Variants in NRCAM observed in about 807,000 individuals in gnomAD.
NRCAM encodes neuronal cell adhesion molecule.
A neutral mutation model predicts 156.5 loss-of-function variants in NRCAM; 83 were observed. That is an observed-to-expected ratio of 0.53 (90% CI 0.44 to 0.64). NRCAM has a LOEUF of 0.64. Among genes scored for constraint, NRCAM ranks in the 30% least tolerant of loss-of-function variants. The probability of loss-of-function intolerance (pLI) is 0.00; values close to 1 mark genes in which losing one functional copy is unlikely to be tolerated. For synonymous variants in NRCAM, 538 were observed against 563.9 expected (o/e 0.95, Z 0.65); for missense variants, 1,417 against 1,597.3 (o/e 0.89, Z 1.92).
chr7:108,337,007 G>A (rs1481390751), intron 2 of NRCAM, among the ~76,000 whole-genome samples: 2 of 152,134 alleles, frequency 1.3e-5, no homozygotes, highest in Non-Finnish European at 2.9e-5. Context: ...GTTTATGCCT[G>A]TAATCCCAGC....
chr7:108,388,299 C>T (rs2099747954), intron 2 of NRCAM, among the ~76,000 whole-genome samples: 1 of 152,188 alleles, frequency 6.6e-6, no homozygotes, highest in Admixed American at 6.5e-5. Context: ...TTGCATTTCC[C>T]TGATGGCCAG....
chr7:108,426,893 C>T lies in NRCAM; in HGVS notation c.-331-27300G>A, dbSNP rs143462630. On this transcript the variant is annotated intron_variant, in intron 1 of 32. Coordinates refer to ENST00000379028, the MANE Select transcript of NRCAM (RefSeq NM_001037132.4). ...TGGCAGTTTACTATTCCTTGAACAA[C>T]GCTTTCATCATCTTAGTTATTGAAT... Among the ~76,000 whole-genome samples, 27 of 152,254 alleles carry T rather than the reference C, an allele frequency of 1.8e-4. No individual in the cohort carries two copies. The East Asian group carries it at 4.2e-3, about 24-fold the overall frequency.
intron 3 of NRCAM, among the ~76,000 whole-genome samples, chr7:108,292,866 AAATG>A (rs2098343243): frequency 6.6e-6 from 1 of 152,224 alleles, no homozygotes; most frequent in African/African-American, 2.4e-5. Flanking sequence ...TTAAAAGCAC[AAATG>A]AATAGCTAAA....
chr7:108,452,299 T>C (rs1356694743), intron 1 of NRCAM, among the ~76,000 whole-genome samples: 2 of 152,230 alleles, frequency 1.3e-5, no homozygotes, highest in East Asian at 1.9e-4. Context: ...ATGTGTTTAT[T>C]AGTTTGATTG....
At chr7:108,386,816 G>A (rs941732050) in intron 2 of NRCAM, among the ~76,000 whole-genome samples, 16 of 152,108 alleles carry the variant, frequency 1.1e-4, no homozygotes, top group African/African-American at 3.4e-4. Context: ...CAAAACATAC[G>A]TGTTTGAATT....
chr7:108,449,036 G>A (rs1847535704), intron 1 of NRCAM, among the ~76,000 whole-genome samples: 1 of 152,230 alleles, frequency 6.6e-6, no homozygotes, highest in South Asian at 2.1e-4. Context: ...AAGTGCATCT[G>A]AGTGAGCGCC....
At chr7:108,152,462 T>C (rs1443450139) in intron 32 of NRCAM, among the ~76,000 whole-genome samples, 1 of 150,010 alleles carries the variant, frequency 6.7e-6, no homozygotes, top group Admixed American at 6.7e-5. Flanking sequence ...GTAAGGGGAG[T>C]GGCACGGCTA....
At chr7:108,406,082 G>T (rs1489725836) in intron 1 of NRCAM, among the ~76,000 whole-genome samples, 1 of 151,970 alleles carries the variant, frequency 6.6e-6, no homozygotes, top group Non-Finnish European at 1.5e-5. Context: ...ACTATTCCTG[G>T]CCTAGCACAG....
At chr7:108,332,892 A>C (rs2099141350) in intron 2 of NRCAM, among the ~76,000 whole-genome samples, 1 of 152,200 alleles carries the variant, frequency 6.6e-6, no homozygotes, top group Admixed American at 6.5e-5. Context: ...ATAATAACCG[A>C]AATTTGGAAG....
At chr7:108,231,225 A>G in intron 7 of NRCAM, 72 bp from the exon 8 acceptor site, 1 of 1,121,306 alleles carries the variant, frequency 8.9e-7, no homozygotes, top group Non-Finnish European at 1.2e-6. Context: ...CTACAAATAA[A>G]GGCAAACTGA....
intron 8 of NRCAM, 152 bp from the exon 9 acceptor site, chr7:108,226,530 TAA>T (rs3078782): frequency 0.11 from 42,839 of 388,248 alleles, 39 homozygotes; most frequent in East Asian, 0.24. Context: ...CAAATAACTG[TAA>T]AAAAAAAAAA....
chr7:108,276,667 G>A (rs923122112), intron 3 of NRCAM, among the ~76,000 whole-genome samples: 3 of 152,014 alleles, frequency 2.0e-5, no homozygotes, highest in African/African-American at 7.3e-5. Flanking sequence ...ACAGCACAAT[G>A]ATGGGTCTTG....
chr7:108,348,919 A>G (rs1419889904), intron 2 of NRCAM, among the ~76,000 whole-genome samples: 2 of 151,742 alleles, frequency 1.3e-5, no homozygotes, highest in African/African-American at 4.8e-5. Flanking sequence ...AAAAAAAAAA[A>G]AAAGGAAGGA....
chr7:108,265,886 T>G (rs1197841984), intron 3 of NRCAM, among the ~76,000 whole-genome samples: 1 of 152,152 alleles, frequency 6.6e-6, no homozygotes, highest in Non-Finnish European at 1.5e-5. Flanking sequence ...AATACACCAT[T>G]GATGTTTAGC....
intron 2 of NRCAM, among the ~76,000 whole-genome samples, chr7:108,324,797 TCA>T (rs2099046783): frequency 6.6e-6 from 1 of 152,120 alleles, no homozygotes; most frequent in South Asian, 2.1e-4. Context: ...CAACCTGCTT[TCA>T]TATGCTGTTA....
chr7:108,258,604 C>A (rs1239534327), intron 3 of NRCAM, among the ~76,000 whole-genome samples: 1 of 152,170 alleles, frequency 6.6e-6, no homozygotes, highest in African/African-American at 2.4e-5. Flanking sequence ...CTGGTGCTGT[C>A]ACCTACAAGC....
intron 3 of NRCAM, among the ~76,000 whole-genome samples, chr7:108,295,810 CAA>C: frequency 6.6e-6 from 1 of 152,316 alleles, no homozygotes; most frequent in Non-Finnish European, 1.5e-5. Context: ...TGACAACCAC[CAA>C]AGTACCTCTG....
intron 1 of NRCAM, among the ~76,000 whole-genome samples, chr7:108,404,118 G>A (rs1300871558): frequency 6.6e-6 from 1 of 152,098 alleles, no homozygotes; most frequent in African/African-American, 2.4e-5. Flanking sequence ...GTCCTCTCCA[G>A]GCTGACTCTG....
At chr7:108,401,347 T>C (rs2099792068) in intron 1 of NRCAM, among the ~76,000 whole-genome samples, 1 of 151,908 alleles carries the variant, frequency 6.6e-6, no homozygotes, top group African/African-American at 2.4e-5. Context: ...TCCAGACTAG[T>C]CTTGGCAACA....
Sources: allele counts gnomAD v4.1 joint callset (sites outside exome capture counted in the v4.1 genomes callset), GRCh38; gene constraint gnomAD v4.1.1; transcripts MANE v1.5; gene names NCBI Gene and HGNC (gene_info 2026-07-23, HGNC 2026-07-21).